Variants in PLXNA1 observed in about 807,000 individuals in gnomAD.
PLXNA1 encodes the protein plexin A1.
Under a neutral mutation model 191.7 loss-of-function variants are expected in PLXNA1, and 77 were observed. The observed-to-expected ratio is 0.40, with a 90% CI of 0.33 to 0.49. The LOEUF (loss-of-function observed/expected upper bound fraction) is 0.49. PLXNA1 is among the 20% of genes least tolerant of loss of function. PLXNA1 has a pLI of 0.63. For missense variants in PLXNA1, 2,110 were observed against 2,660.2 expected, an observed-to-expected ratio of 0.79 and a Z score of 4.55; for synonymous variants, 1,137 against 1,156.4, an observed-to-expected ratio of 0.98 and a Z score of 0.34.
At chr3:127,001,228 C>T (rs1363029144) in intron 3 of PLXNA1, among the ~76,000 whole-genome samples, 4 of 152,172 alleles carry the variant, frequency 2.6e-5, no homozygotes, top group East Asian at 3.9e-4. Context: ...TTCTGTGACC[C>T]GTTTCTTCAC....
Position 127,020,120 on chromosome 3 carries a change from T to C in PLXNA1, c.3896-82T>C, listed in dbSNP as rs901346480. 9 of 1,528,710 alleles carry C rather than the reference T, an allele frequency of 5.9e-6. No individual in the cohort carries two copies. In the African/African-American group the frequency reaches 6.8e-5, roughly 12 times the overall value. 94.7% of individuals were successfully genotyped at this position (1,528,710 alleles called of 1,614,324 possible). On this transcript the variant is annotated intron_variant, in intron 20 of 31. Coordinates refer to ENST00000393409, the MANE Select transcript of PLXNA1 (RefSeq NM_032242.4). ...AGTAAGTGTCAGAGCCAGGATTTGA[T>C]GTAGGCCCCAAGAGTGGGAGGGTTG...
At chr3:127,028,409 C>T in intron 25 of PLXNA1, 69 bp downstream of exon 25, 1 of 1,503,692 alleles carries the variant, frequency 6.7e-7, no homozygotes, top group Non-Finnish European at 8.9e-7. Flanking sequence ...TGGCCTAGTA[C>T]TGAGCTTGGC....
At chr3:126,995,788 A>G (rs989697641) in intron 3 of PLXNA1, among the ~76,000 whole-genome samples, 1 of 152,202 alleles carries the variant, frequency 6.6e-6, no homozygotes, top group Non-Finnish European at 1.5e-5. Flanking sequence ...CTGGGCTCTG[A>G]GGCATGGCCC....
Position 127,004,920 on chromosome 3 carries a change from A to G in PLXNA1, c.1655A>G (p.Glu552Gly). ...SRRDACERAD[E>G]PQRFAADLLQ... is the part of the protein sequence containing the mutation. ...CGGGACGCCTGTGAGCGAGCAGACG[A>G]GCCCCAGCGCTTTGCTGCGGACCTG... The change falls in exon 6 of 32, where the codon GAG (glutamate) becomes GGG (glycine). Residue 552 changes from glutamate to glycine, a missense_variant. Around this residue, in one of 4 missense-constraint regions of PLXNA1, gnomAD observed 903 missense variants for 1,015.7 expected, o/e 0.89. Transcript: ENST00000393409. 1 of 1,607,158 alleles carries G rather than the reference A, an allele frequency of 6.2e-7. No individual in the cohort carries two copies. The highest frequency in any genetic ancestry group is 8.5e-7 in the Non-Finnish European group (1 of 1,175,726).
chr3:127,024,762 G>C (rs2079169041), intron 23 of PLXNA1, among the ~76,000 whole-genome samples: 2 of 152,328 alleles, frequency 1.3e-5, no homozygotes, highest in South Asian at 4.1e-4. Flanking sequence ...CTGAGGCTGA[G>C]AGGCGCAGAC....
At position 126,991,527 on chromosome 3, in the gene PLXNA1, T is replaced by C. The variant is rs577440731; in HGVS notation, c.1338T>C (p.Thr446=). The part of the protein sequence containing the change: ...AVAAYDYRGR[T]VVFAGTRSGR... ...CTGCCTATGACTATCGGGGCCGCAC[T>C]GTGGTATTCGCCGGCACGCGAAGTG... Residue 446 remains threonine (T), a synonymous_variant, in exon 3 of 32, where the codon ACT becomes ACC. Transcript: ENST00000393409. 3.0e-5 allele frequency: 48 copies of C among 1,604,440 alleles called. No homozygotes were observed. The highest frequency in any genetic ancestry group is 4.1e-5 in the Non-Finnish European group (48 of 1,173,916).
chr3:127,017,505 G>C lies in PLXNA1; in HGVS notation c.3357G>C (p.Leu1119=), dbSNP rs564340793. ...ACCCTGTGCGCAGCCCACCAGAGCTGGGGGAGCGGCCGGATGAGCTGGGCT... is the reference window on the plus strand; with the variant it reads ...ACCCTGTGCGCAGCCCACCAGAGCTCGGGGAGCGGCCGGATGAGCTGGGCT... The part of the protein sequence containing the change: ...VANPVRSPPE[L]GERPDELGFV... Residue 1119 remains leucine, a synonymous_variant, in exon 18 of 32, where the codon CTG becomes CTC. Transcript: ENST00000393409. 4.3e-6 allele frequency: 7 copies of C among 1,613,632 alleles called. No individual in the cohort carries two copies. The South Asian group carries it at 5.5e-5, about 13-fold the overall frequency.
intron 2 of PLXNA1, among the ~76,000 whole-genome samples, chr3:126,990,037 C>CG (rs1428476940): frequency 6.6e-5 from 10 of 152,250 alleles, no homozygotes; most frequent in Non-Finnish European, 1.5e-5. Context: ...GATGGGGTGA[C>CG]GAGGCCCTGC....
At position 127,022,761 on chromosome 3, in the gene PLXNA1, G is replaced by A. The variant is rs140041313; in HGVS notation, c.4305G>A (p.Ser1435=). The A allele has an allele frequency of 2.0e-5, 33 of 1,613,812 alleles. No homozygotes were observed. Among genetic ancestry groups the A allele is most frequent in the Admixed American group, 6.7e-5 (4 of 60,012 alleles). Residue 1435 remains serine, a synonymous_variant, in exon 23 of 32, where the codon TCG becomes TCA. Transcript: ENST00000393409. The part of the protein sequence containing the change: ...HPKLLLRRTE[S]VAEKMLTNWF... Reference sequence around the variant, plus strand: ...ATTCTGTGCTCCCCAGGACTGAGTCGGTGGCAGAGAAGATGCTAACTAACT... The same window carrying A: ...ATTCTGTGCTCCCCAGGACTGAGTCAGTGGCAGAGAAGATGCTAACTAACT...
intron 3 of PLXNA1, among the ~76,000 whole-genome samples, chr3:126,994,039 C>T (rs952279957): frequency 6.6e-6 from 1 of 152,172 alleles, no homozygotes; most frequent in African/African-American, 2.4e-5. Flanking sequence ...ACCTGGCATG[C>T]TCGTGTGGCC....
Position 126,991,374 on chromosome 3 carries a change from C to T in PLXNA1, c.1195-10C>T. ...CCGGGGAGTGGCTCTCACCCTGCCC[C>T]TTCCCACAGCCCCTGCAGATCGATG... On this transcript the variant is annotated splice_polypyrimidine_tract_variant and intron_variant, in intron 2 of 31. Coordinates refer to ENST00000393409, the MANE Select transcript of PLXNA1 (RefSeq NM_032242.4). 1 of 1,612,230 alleles carries T rather than the reference C, an allele frequency of 6.2e-7. No homozygotes were observed. The highest frequency in any genetic ancestry group is 8.5e-7 in the Non-Finnish European group (1 of 1,179,650).
At chr3:127,005,274 G>A (rs758697652) in intron 7 of PLXNA1, 31 bp downstream of exon 7, 2 of 1,581,008 alleles carry the variant, frequency 1.3e-6, no homozygotes, top group Admixed American at 3.6e-5. Context: ...GGTGCCCGCT[G>A]CCTGGCCAGG....
Position 127,014,135 on chromosome 3 carries a change from G to T in PLXNA1, c.2410+19G>T. On this transcript the variant is annotated intron_variant, in intron 11 of 31. Transcript: ENST00000393409. Reference sequence around the variant, plus strand: ...ATCCAGGGTGAGTGGGCGCCCCGGCGGGGTGGGCAGTGGGCGGGCCCGAGC... The same window carrying T: ...ATCCAGGGTGAGTGGGCGCCCCGGCTGGGTGGGCAGTGGGCGGGCCCGAGC... The T allele has an allele frequency of 6.2e-7, 1 of 1,613,278 alleles. No homozygotes were observed. The highest frequency in any genetic ancestry group is 8.5e-7 in the Non-Finnish European group (1 of 1,179,746).
chr3:126,999,899 G>A (rs1043616780), intron 3 of PLXNA1, among the ~76,000 whole-genome samples: 1 of 152,136 alleles, frequency 6.6e-6, no homozygotes. Flanking sequence ...ACTGCACTTC[G>A]GTCTCGGCTC....
chr3:127,036,959 C>T lies in PLXNA1; in HGVS notation c.*2942C>T, dbSNP rs767910775. ...CTCCCCAGCCCCAGGACCACTGGCC[C>T]CTTGGCCTGAGGGGCTGGGGGCCCC... On this transcript the variant is annotated 3_prime_UTR_variant, in exon 32 of 32. Transcript: ENST00000393409. 6 of 152,274 alleles carry T rather than the reference C, an allele frequency of 3.9e-5. No individual in the cohort carries two copies. Among genetic ancestry groups the T allele is most frequent in the Non-Finnish European group, 7.3e-5 (5 of 68,044 alleles). 9.4% of individuals were successfully genotyped at this position (152,274 alleles called of 1,614,324 possible). A position where few individuals can be genotyped will look rare whatever the true frequency, so the allele number is the denominator to read the frequency against.
Position 127,028,324 on chromosome 3 carries a change from C to A in PLXNA1, c.4653C>A (p.Ala1551=). 1.9e-6 allele frequency: 3 copies of A among 1,611,562 alleles called. No homozygotes were observed. Among genetic ancestry groups the A allele is most frequent in the South Asian group, 1.1e-5 (1 of 91,044 alleles). Residue 1551 remains alanine (A), a synonymous_variant, in exon 25 of 32, where the codon GCC becomes GCA. Coordinates refer to ENST00000393409, the MANE Select transcript of PLXNA1 (RefSeq NM_032242.4). ...TGCCCTACTCCCAGCGGCCCAAGGC[C>A]GCGGACATGGACCTGGGTGAGCGGG... ...KGVPYSQRPK[A]ADMDLEWRQG... is the part of the protein sequence containing the mutation.
At chr3:126,985,762 A>G (rs2078955607) in intron 1 of PLXNA1, among the ~76,000 whole-genome samples, 1 of 152,218 alleles carries the variant, frequency 6.6e-6, no homozygotes, top group Admixed American at 6.5e-5. Flanking sequence ...AGTCTCTGGA[A>G]GCTCGAAATT....
At chr3:127,011,698 G>A (rs900677229) in intron 9 of PLXNA1, among the ~76,000 whole-genome samples, 3 of 152,208 alleles carry the variant, frequency 2.0e-5, no homozygotes, top group African/African-American at 7.2e-5. Context: ...GGCCAGATGG[G>A]GCTCCTTTGG....
intron 3 of PLXNA1, among the ~76,000 whole-genome samples, chr3:126,992,151 T>G (rs1186521072): frequency 1.3e-5 from 2 of 152,162 alleles, no homozygotes; most frequent in Non-Finnish European, 2.9e-5. Context: ...GGGATGGCTG[T>G]CTGGTCTTCA....
Sources: allele counts gnomAD v4.1 joint callset (sites outside exome capture counted in the v4.1 genomes callset), GRCh38; gene constraint gnomAD v4.1.1; regional missense constraint gnomAD v4.1.1; transcripts MANE v1.5; gene names NCBI Gene and HGNC (gene_info 2026-07-23, HGNC 2026-07-21).